Variants in SUGCT observed in about 807,000 individuals in gnomAD.
The protein encoded by SUGCT is succinyl-CoA:glutarate-CoA transferase.
A neutral mutation model predicts 55.0 loss-of-function variants in SUGCT; 41 were observed. The ratio of observed to expected loss-of-function variants is 0.74; its 90% CI spans 0.58 to 0.97. The LOEUF (loss-of-function observed/expected upper bound fraction) is 0.97, where lower values mean the gene tolerates loss of function less well. Among genes scored for constraint, SUGCT ranks in the 50% least tolerant of loss-of-function variants. The probability of loss-of-function intolerance (pLI) is 0.00; values close to 1 mark genes in which losing one functional copy is unlikely to be tolerated. For synonymous variants in SUGCT, 187 were observed against 200.4 expected, an observed-to-expected ratio of 0.93 and a Z score of 0.56; for missense variants, 568 against 547.8, an observed-to-expected ratio of 1.04 and a Z score of -0.37.
chr7:40,996,554 C>T, the SUGCT span, among the ~76,000 whole-genome samples: 2 of 152,148 alleles, frequency 1.3e-5, no homozygotes, highest in Non-Finnish European at 2.9e-5. Flanking sequence ...AGACAGAATT[C>T]CAAAGCAGGG....
chr7:40,576,465 A>G (rs1489032270), intron 12 of SUGCT, among the ~76,000 whole-genome samples: 1 of 152,208 alleles, frequency 6.6e-6, no homozygotes, highest in Non-Finnish European at 1.5e-5. Flanking sequence ...AGTCTCTCCC[A>G]TGCGTTGAGA....
At chr7:40,984,048 G>C in the SUGCT span, among the ~76,000 whole-genome samples, 1 of 152,042 alleles carries the variant, frequency 6.6e-6, no homozygotes, top group Non-Finnish European at 1.5e-5. Context: ...TTACTTCCAG[G>C]TTCAGAGCCC....
chr7:40,776,286 A>C (rs961171014), intron 13 of SUGCT, among the ~76,000 whole-genome samples: 2 of 152,210 alleles, frequency 1.3e-5, no homozygotes, highest in Non-Finnish European at 2.9e-5. Flanking sequence ...GAAAAAGAAC[A>C]CAAAAGCACG....
At chr7:40,663,485 A>ATGTGTG (rs59033010) in intron 12 of SUGCT, among the ~76,000 whole-genome samples, 1,564 of 135,036 alleles carry the variant, frequency 0.012, 29 homozygotes, top group African/African-American at 0.036. Context: ...TTTGTGGTGT[A>ATGTGTG]TGTGTGTGTG....
chr7:40,897,426 GACACACACAC>G, the SUGCT span, among the ~76,000 whole-genome samples: 39 of 148,892 alleles, frequency 2.6e-4, no homozygotes, highest in Middle Eastern at 3.4e-3. Flanking sequence ...AATAAAGCTG[GACACACACAC>G]ACACACACAC....
intron 9 of SUGCT, among the ~76,000 whole-genome samples, chr7:40,437,285 A>AAATTCCTC (rs1788231252): frequency 6.6e-6 from 1 of 152,210 alleles, no homozygotes; most frequent in African/African-American, 2.4e-5. Flanking sequence ...GATTGGAAGT[A>AAATTCCTC]AAATTTAATT....
At chr7:40,718,747 A>AT (rs1231153386) in intron 12 of SUGCT, among the ~76,000 whole-genome samples, 1 of 152,210 alleles carries the variant, frequency 6.6e-6, no homozygotes, top group African/African-American at 2.4e-5. Flanking sequence ...CACTTTTAAT[A>AT]TTTTAAATAA....
chr7:40,833,271 A>G (rs1792790132), intron 13 of SUGCT, among the ~76,000 whole-genome samples: 1 of 152,132 alleles, frequency 6.6e-6, no homozygotes, highest in African/African-American at 2.4e-5. Context: ...CCATCTTAAC[A>G]AGAAACATTA....
downstream of SUGCT, among the ~76,000 whole-genome samples, chr7:40,864,476 G>A (rs1294008531): frequency 6.6e-6 from 1 of 152,044 alleles, no homozygotes; most frequent in Non-Finnish European, 1.5e-5. Context: ...TAAACAAGGT[G>A]GGCAGTATGC....
intron 12 of SUGCT, among the ~76,000 whole-genome samples, chr7:40,713,347 G>A (rs556793542): frequency 5.9e-5 from 9 of 152,288 alleles, no homozygotes; most frequent in African/African-American, 1.4e-4. Flanking sequence ...TGGCCTCCGA[G>A]CATTTCCTTA....
intron 12 of SUGCT, among the ~76,000 whole-genome samples, chr7:40,517,541 T>A (rs976945321): frequency 6.6e-6 from 1 of 152,126 alleles, no homozygotes; most frequent in Non-Finnish European, 1.5e-5. Flanking sequence ...AGTTGTTGAG[T>A]GTTTTTATCA....
At chr7:40,985,877 A>G in the SUGCT span, among the ~76,000 whole-genome samples, 1 of 152,234 alleles carries the variant, frequency 6.6e-6, no homozygotes, top group Non-Finnish European at 1.5e-5. Context: ...AAATTCATAC[A>G]AGAGTGGGAA....
intron 7 of SUGCT, among the ~76,000 whole-genome samples, chr7:40,258,708 A>C (rs1419527310): frequency 1.3e-5 from 2 of 152,218 alleles, no homozygotes; most frequent in African/African-American, 2.4e-5. Flanking sequence ...GGTAATTGTA[A>C]AGTTGTAAAG....
At chr7:40,300,533 C>T (rs977184225) in intron 8 of SUGCT, among the ~76,000 whole-genome samples, 18 of 152,198 alleles carry the variant, frequency 1.2e-4, no homozygotes, top group Admixed American at 1.3e-4. Flanking sequence ...ATATTACAGT[C>T]TTCTCACATA....
chr7:40,326,226 A>G (rs1304651753), intron 9 of SUGCT, among the ~76,000 whole-genome samples: 1 of 152,134 alleles, frequency 6.6e-6, no homozygotes, highest in Non-Finnish European at 1.5e-5. Context: ...CAAAGGCAAT[A>G]TAGCAGGGAA....
At chr7:40,167,832 C>T (rs549132693) in intron 1 of SUGCT, among the ~76,000 whole-genome samples, 5 of 152,134 alleles carry the variant, frequency 3.3e-5, no homozygotes, top group Non-Finnish European at 5.9e-5. Context: ...CAGCAAACAG[C>T]AGTGGTGGAG....
chr7:40,163,429 C>T (rs1665424990), intron 1 of SUGCT, among the ~76,000 whole-genome samples: 1 of 152,020 alleles, frequency 6.6e-6, no homozygotes, highest in Admixed American at 6.6e-5. Context: ...CACGGTGAAA[C>T]CCCATCTCTA....
intron 12 of SUGCT, among the ~76,000 whole-genome samples, chr7:40,732,283 A>T (rs1403775534): frequency 2.0e-5 from 3 of 152,216 alleles, no homozygotes; most frequent in African/African-American, 7.2e-5. Context: ...TGTATCTGTG[A>T]CATCTTCCCT....
intron 12 of SUGCT, among the ~76,000 whole-genome samples, chr7:40,719,434 G>T (rs765845823): frequency 6.6e-6 from 1 of 152,132 alleles, no homozygotes; most frequent in Non-Finnish European, 1.5e-5. Context: ...TGAGCTTGTT[G>T]TTCCCACATT....
Sources: gnomAD v4.1 joint callset for allele counts (sites outside exome capture counted in the v4.1 genomes callset) on GRCh38, gnomAD v4.1.1 for gene constraint, MANE v1.5 for transcripts, NCBI Gene and HGNC (gene_info 2026-07-23, HGNC 2026-07-21) for gene names.